Variants in RASL12 observed in about 807,000 individuals in gnomAD.
The protein encoded by RASL12 is ras-like protein family member 12.
A neutral mutation model predicts 22.9 loss-of-function variants in RASL12; 16 were observed. That is an observed-to-expected ratio of 0.70 (90% CI 0.47 to 1.06). RASL12 has a LOEUF of 1.06. RASL12 is among the 50% of genes least tolerant of loss of function. RASL12 has a pLI of 0.00. For synonymous variants in RASL12, 159 were observed against 152.2 expected (o/e 1.04, Z -0.33); for missense variants, 306 against 353.1 (o/e 0.87, Z 1.07).
At chr15:65,055,542 A>T (rs2086721171) in intron 4 of RASL12, among the ~76,000 whole-genome samples, 1 of 152,222 alleles carries the variant, frequency 6.6e-6, no homozygotes, top group Non-Finnish European at 1.5e-5. Flanking sequence ...GATGTCACCC[A>T]GGCCAGAATT....
At chr15:65,051,075 C>T (rs538194773), downstream of RASL12, among the ~76,000 whole-genome samples, 8 of 152,154 alleles carry the variant, frequency 5.3e-5, no homozygotes, top group African/African-American at 1.7e-4. Context: ...AACTCCCGAC[C>T]TCAGGTGATC....
At chr15:65,051,420 C>A, downstream of RASL12, 1 of 1,170,456 alleles carries the variant, frequency 8.5e-7, no homozygotes, top group South Asian at 1.3e-5. Flanking sequence ...ACAGTTGATG[C>A]TGTAAGCTGG....
chr15:65,056,038 G>C (rs971604600), intron 4 of RASL12, among the ~76,000 whole-genome samples: 16 of 152,204 alleles, frequency 1.1e-4, no homozygotes, highest in African/African-American at 3.9e-4. Context: ...GGAAGGTCCT[G>C]GAGGCTTCTG....
rs368209165 is a variant in RASL12, at chr15:65,065,199, C to A, written c.160+18G>T. 45 of 1,610,082 alleles carry A rather than the reference C, an allele frequency of 2.8e-5. No homozygotes were observed. Among genetic ancestry groups the A allele is most frequent in the Non-Finnish European group, 3.8e-5 (45 of 1,178,198 alleles). On this transcript the variant is annotated intron_variant, in intron 2 of 4. Transcript: ENST00000220062. Reference sequence around the variant, plus strand: ...GATGGGGCACAGGCAGCAGAAGGTACGGGGAGTAGTTTCTTACCCAAGTTG... The same window carrying A: ...GATGGGGCACAGGCAGCAGAAGGTAAGGGGAGTAGTTTCTTACCCAAGTTG...
Position 65,067,724 on chromosome 15 carries a change from G to C in RASL12, c.103+9C>G. ...CACTTGGCGGCTCAGGCTCCCCGGC[G>C]CCACTCACCAGACTTGCCAGCCCCG... On this transcript the variant is annotated intron_variant, in intron 1 of 4. Coordinates refer to ENST00000220062, the MANE Select transcript of RASL12 (RefSeq NM_016563.4). 6.5e-7 allele frequency: 1 copy of C among 1,549,046 alleles called. No individual in the cohort carries two copies. Among genetic ancestry groups the C allele is most frequent in the South Asian group, 1.2e-5 (1 of 84,786 alleles).
At chr15:65,071,312 G>A (rs898880436), upstream of RASL12, among the ~76,000 whole-genome samples, 58 of 152,280 alleles carry the variant, frequency 3.8e-4, no homozygotes, top group Non-Finnish European at 6.2e-4. Context: ...TGTAGGGGAT[G>A]CGGAGTAGAG....
At chr15:65,062,360 G>A (rs535214330) in intron 2 of RASL12, among the ~76,000 whole-genome samples, 10 of 152,310 alleles carry the variant, frequency 6.6e-5, no homozygotes, top group East Asian at 1.9e-4. Flanking sequence ...TCTTCCAGAT[G>A]GGGAAACCAC....
chr15:65,065,318 C>A, intron 1 of RASL12, 45 bp from the exon 2 acceptor site: 1 of 1,579,834 alleles, frequency 6.3e-7, no homozygotes, highest in Non-Finnish European at 8.6e-7. Flanking sequence ...GCGGCCATGT[C>A]TAGCTGCTGG....
chr15:65,075,288 G>A (rs1279739406), intron 1 of RASL12, among the ~76,000 whole-genome samples: 5 of 152,210 alleles, frequency 3.3e-5, no homozygotes, highest in Non-Finnish European at 7.3e-5. Context: ...CCTGCAGCCC[G>A]CCATGCCTGA....
chr15:65,074,391 T>C (rs1322940120), intron 1 of RASL12, among the ~76,000 whole-genome samples: 1 of 139,986 alleles, frequency 7.1e-6, no homozygotes, highest in Non-Finnish European at 1.6e-5. Context: ...CATTTTATTT[T>C]TTAATTAATT....
upstream of RASL12, chr15:65,068,115 G>T: frequency 9.7e-7 from 1 of 1,035,504 alleles, no homozygotes; most frequent in East Asian, 8.2e-5. This position sits in a 1 kb window ranked among gnomAD's most constrained non-coding sequence, Gnocchi z 4.2. Context: ...CCTGGAGCAG[G>T]GAGGGAGCTC....
chr15:65,064,270 CT>C (rs1358683585), intron 2 of RASL12, among the ~76,000 whole-genome samples: 1 of 152,192 alleles, frequency 6.6e-6, no homozygotes. Flanking sequence ...TGTGCTATTT[CT>C]TTAATCCTCA....
downstream of RASL12, chr15:65,053,103 A>G (rs1397145569): frequency 1.9e-6 from 3 of 1,614,132 alleles, no homozygotes; most frequent in South Asian, 2.2e-5. Context: ...GTGGAACTTG[A>G]GTTAAAAGAG....
At position 65,065,256 on chromosome 15, in the gene RASL12, G is replaced by A. The variant is rs1170981093; in HGVS notation, c.121C>T (p.Leu41=). The stretch of plus-strand genomic sequence containing the variant: ...TATTCACTGATAAACCTCTTGGTCA[G>A]AAACTTCACGGTCAGGGCTGCAAGA... ...AGKSALTVKF[L]TKRFISEYDP... The change falls in exon 2 of 5, where the codon CTG becomes TTG. Residue 41 remains leucine (L), a synonymous_variant. Transcript: ENST00000220062. 3.7e-6 allele frequency: 6 copies of A among 1,612,404 alleles called. No homozygotes were observed.
intron 2 of RASL12, among the ~76,000 whole-genome samples, chr15:65,064,623 G>A (rs1327821129): frequency 6.6e-6 from 1 of 151,220 alleles, no homozygotes; most frequent in Admixed American, 6.6e-5. Context: ...TTTAGACAGA[G>A]TTTCCCTCTG....
upstream of RASL12, among the ~76,000 whole-genome samples, chr15:65,068,884 A>T (rs1252646789): frequency 6.6e-6 from 1 of 152,238 alleles, no homozygotes; most frequent in Non-Finnish European, 1.5e-5. The surrounding 1 kb of genome is among the most constrained non-coding windows in gnomAD (Gnocchi z 4.2). Flanking sequence ...GTGTCCCCAT[A>T]TATAAATACT....
Position 65,055,147 on chromosome 15 carries a change from G to A in RASL12, c.553C>T (p.Arg185Trp), listed in dbSNP as rs148588039. The part of the protein sequence containing the change: ...VFHEAVREAR[R>W]ELEKSPLTRP... ...GTCAGGGGGCTCTTCTCCAGCTCCC[G>A]CCGTGCCTCTCGCACTGCCTCGTGG... The change falls in exon 5 of 5, where the codon CGG (arginine) becomes TGG (tryptophan). Residue 185 changes from arginine to tryptophan, a missense_variant. Physicochemically the swap from Arg to Trp is moderately radical, Grantham distance 101 (BLOSUM62 -3). Transcript: ENST00000220062. 4.8e-5 allele frequency: 78 copies of A among 1,611,808 alleles called. No homozygotes were observed. The highest frequency in any genetic ancestry group is 6.4e-5 in the Non-Finnish European group (75 of 1,179,456).
At chr15:65,063,898 G>A (rs1252485435) in intron 2 of RASL12, among the ~76,000 whole-genome samples, 5 of 152,206 alleles carry the variant, frequency 3.3e-5, no homozygotes, top group African/African-American at 1.2e-4. Context: ...GGGGCCTGCT[G>A]CAGGGAGCGC....
chr15:65,053,646 C>A lies in RASL12; in HGVS notation c.*1253G>T. 1.0e-6 allele frequency: 1 copy of A among 989,710 alleles called. No individual in the cohort carries two copies. The highest frequency in any genetic ancestry group is 1.2e-6 in the Non-Finnish European group (1 of 832,678). 61.3% of individuals were successfully genotyped at this position (989,710 alleles called of 1,614,324 possible). A position where few individuals can be genotyped will look rare whatever the true frequency, so the allele number is the denominator to read the frequency against. On this transcript the variant is annotated 3_prime_UTR_variant, in exon 5 of 5. Transcript: ENST00000220062. ...GACGGCTGAGAGGGGAAGGAGCAGG[C>A]TTCCAGGCCCAGAATCCCCTTCCCA...
Sources: allele counts gnomAD v4.1 joint callset (sites outside exome capture counted in the v4.1 genomes callset), GRCh38; gene constraint gnomAD v4.1.1; non-coding constraint Gnocchi (gnomAD v3.1); transcripts MANE v1.5; gene names NCBI Gene and HGNC (gene_info 2026-07-23, HGNC 2026-07-21).